The following DNAJC11 variants were observed in gnomAD, a reference collection of about 807,000 sequenced individuals.
DNAJC11 encodes DnaJ heat shock protein family (Hsp40) member C11.
DNAJC11 carries 15 observed loss-of-function variants against 78.6 expected under a neutral mutation model. That is an observed-to-expected ratio of 0.19 (90% CI 0.13 to 0.29). DNAJC11 has a LOEUF of 0.29. Ranked by LOEUF, DNAJC11 falls within the 10% of genes least tolerant of loss-of-function variation. The pLI, the probability that DNAJC11 is intolerant of heterozygous loss-of-function variation, is 1.00. For synonymous variants in DNAJC11, 292 were observed against 272.1 expected (o/e 1.07, Z -0.72); for missense variants, 547 against 709.6 (o/e 0.77, Z 2.60).
chr1:6,642,420 T>G (rs1315335698), intron 10 of DNAJC11, among the ~76,000 whole-genome samples: 1 of 152,162 alleles, frequency 6.6e-6, no homozygotes, highest in Admixed American at 6.6e-5. Context: ...GATACAATTT[T>G]GGAGTACATG....
At chr1:6,669,663 C>T in intron 3 of DNAJC11, among the ~76,000 whole-genome samples, 1 of 152,070 alleles carries the variant, frequency 6.6e-6, no homozygotes. Context: ...GGAAAGGCCA[C>T]CGTGAAAGAG....
chr1:6,658,948 G>A (rs6577586), intron 4 of DNAJC11, among the ~76,000 whole-genome samples: 54,127 of 152,028 alleles, frequency 0.36, 9,963 homozygotes, highest in African/African-American at 0.42. Context: ...GTCCTGCACT[G>A]GCTCTGCAAA....
At chr1:6,674,661 G>A (rs1257963946) in intron 3 of DNAJC11, among the ~76,000 whole-genome samples, 1 of 151,972 alleles carries the variant, frequency 6.6e-6, no homozygotes. Context: ...CTGGGAGATC[G>A]AGACTGCAGT....
At position 6,654,034 on chromosome 1, in the gene DNAJC11, C is replaced by G; in HGVS notation, c.384G>C (p.Thr128=). 1 of 1,612,454 alleles carries G rather than the reference C, an allele frequency of 6.2e-7. No individual in the cohort carries two copies. The highest frequency in any genetic ancestry group is 1.1e-5 in the South Asian group (1 of 91,006). The change falls in exon 5 of 16, where the codon ACG becomes ACC. Residue 128 remains threonine (T), a synonymous_variant. Coordinates refer to ENST00000377577, the MANE Select transcript of DNAJC11 (RefSeq NM_018198.4). ...CGGTGGCATCTACTCCAACGCTGAT[C>G]GTTCCCTGGGGCAGAAAAACAAGCC... is the stretch of plus-strand genomic sequence containing the variant. ...RLQQRTNPKG[T]ISVGVDATDL...
At chr1:6,688,286 G>A (rs1396222356) in intron 1 of DNAJC11, among the ~76,000 whole-genome samples, 1 of 152,186 alleles carries the variant, frequency 6.6e-6, no homozygotes, top group East Asian at 1.9e-4. Flanking sequence ...TCTTGTACCT[G>A]ACTTAGATTT....
In DNAJC11 at chr1:6,645,731, T is replaced by C. The variant is rs1161295626; in HGVS notation, c.894+58A>G. ...GGATTTAAGGGGAGCACTGAGTGCT[T>C]GGGAGGAGGGGTCCTCCCAGAGCTC... On this transcript the variant is annotated intron_variant, in intron 8 of 15. Coordinates refer to ENST00000377577, the MANE Select transcript of DNAJC11 (RefSeq NM_018198.4). This position sits in a 1 kb window ranked among gnomAD's most constrained non-coding sequence, Gnocchi z 4.1. 3.2e-6 allele frequency: 5 copies of C among 1,585,016 alleles called. No homozygotes were observed. The highest frequency in any genetic ancestry group is 1.7e-5 in the Admixed American group (1 of 59,332).
intron 4 of DNAJC11, 31 bp from the exon 5 acceptor site, chr1:6,654,070 CG>C: frequency 6.2e-7 from 1 of 1,607,478 alleles, no homozygotes; most frequent in Non-Finnish European, 8.5e-7. Flanking sequence ...GTCAGCAGAA[CG>C]GGTGGTATTT....
intron 6 of DNAJC11, among the ~76,000 whole-genome samples, chr1:6,652,596 T>C (rs991079844): frequency 3.3e-5 from 5 of 152,116 alleles, no homozygotes; most frequent in African/African-American, 4.8e-5. Context: ...GGTGCCACCA[T>C]GCCCAGCTAA....
intron 9 of DNAJC11, 102 bp downstream of exon 9, chr1:6,644,939 G>GT (rs1466650841): frequency 3.2e-5 from 36 of 1,124,904 alleles, no homozygotes; most frequent in Non-Finnish European, 4.8e-5. Context: ...TCACACACAC[G>GT]TAGATATTCA....
chr1:6,679,730 G>A (rs574663927), intron 2 of DNAJC11, among the ~76,000 whole-genome samples: 1 of 152,318 alleles, frequency 6.6e-6, no homozygotes, highest in Non-Finnish European at 1.5e-5. Context: ...CATGAGGCCA[G>A]GTCTGCTGTT....
chr1:6,695,627 T>TCAAAAAA (rs1642822095), intron 1 of DNAJC11, among the ~76,000 whole-genome samples: 1 of 83,004 alleles, frequency 1.2e-5, no homozygotes, highest in Non-Finnish European at 2.3e-5. Context: ...CTATCTCTAC[T>TCAAAAAA]AAAAAAAAAA....
intron 1 of DNAJC11, among the ~76,000 whole-genome samples, chr1:6,696,506 C>T (rs913501966): frequency 6.6e-6 from 1 of 152,198 alleles, no homozygotes; most frequent in Non-Finnish European, 1.5e-5. Context: ...CTAGCCCTTC[C>T]TTTCCATCTG....
intron 1 of DNAJC11, among the ~76,000 whole-genome samples, chr1:6,682,286 T>C (rs1642566735): frequency 6.6e-6 from 1 of 152,140 alleles, no homozygotes; most frequent in Admixed American, 6.5e-5. Context: ...TACTGTACTT[T>C]AGTAATAATT....
chr1:6,655,300 T>A (rs1018479573), intron 4 of DNAJC11, among the ~76,000 whole-genome samples: 2 of 152,150 alleles, frequency 1.3e-5, no homozygotes, highest in Non-Finnish European at 2.9e-5. Context: ...TGGTAAAAAA[T>A]TTTCTTATTA....
In DNAJC11 at chr1:6,653,617, GA is replaced by G; in HGVS notation, c.507+293del. On this transcript the variant is annotated intron_variant, in intron 5 of 15. Coordinates refer to ENST00000377577, the MANE Select transcript of DNAJC11 (RefSeq NM_018198.4). The surrounding 1 kb of genome is among the most constrained non-coding windows in gnomAD (Gnocchi z 4.5). ...CCATGGAGGTCTGCTTTCTCTCCCA[GA>G]ACCCCATGACCTTGGGCCTCTACTT... Among the ~76,000 whole-genome samples the G allele has an allele frequency of 6.6e-6, 1 of 152,150 alleles. No homozygotes were observed. The highest frequency in any genetic ancestry group is 2.4e-5 in the African/African-American group (1 of 41,474).
intron 1 of DNAJC11, among the ~76,000 whole-genome samples, chr1:6,687,491 G>C (rs952098271): frequency 1.3e-5 from 2 of 151,700 alleles, no homozygotes; most frequent in Non-Finnish European, 2.9e-5. Context: ...TGAGTAGTTG[G>C]GACTACAGGT....
rs370978312 is a variant in DNAJC11 at position 6,679,081 on chromosome 1, C to A, written c.203-614G>T. Among the ~76,000 whole-genome samples, 18 of 152,244 alleles carry A rather than the reference C, an allele frequency of 1.2e-4. No homozygotes were observed. The South Asian group carries it at 3.1e-3, about 26-fold the overall frequency. On this transcript the variant is annotated intron_variant, in intron 2 of 15. Coordinates refer to ENST00000377577, the MANE Select transcript of DNAJC11 (RefSeq NM_018198.4). ...ATGCAGGAAGTGGCACGGGCTCCTGCATTGGGAAAGGACATGAACGTTGTT... is the reference window on the plus strand; with the variant it reads ...ATGCAGGAAGTGGCACGGGCTCCTGAATTGGGAAAGGACATGAACGTTGTT...
At chr1:6,695,627 T>TTAA (rs1642822095) in intron 1 of DNAJC11, among the ~76,000 whole-genome samples, 1 of 83,004 alleles carries the variant, frequency 1.2e-5, no homozygotes, top group South Asian at 5.0e-4. Context: ...CTATCTCTAC[T>TTAA]AAAAAAAAAA....
intron 7 of DNAJC11, chr1:6,651,082 G>C: frequency 1.9e-6 from 1 of 534,590 alleles, no homozygotes; most frequent in South Asian, 1.4e-5. Flanking sequence ...CTAGGAGTGT[G>C]ACATGGCAGC....
Sources: allele counts gnomAD v4.1 joint callset (sites outside exome capture counted in the v4.1 genomes callset), GRCh38; gene constraint gnomAD v4.1.1; non-coding constraint Gnocchi (gnomAD v3.1); transcripts MANE v1.5; gene names NCBI Gene and HGNC (gene_info 2026-07-23, HGNC 2026-07-21).